DMTF1: variants seen among roughly 807,000 people sequenced by gnomAD.
DMTF1 encodes the protein cyclin-D-binding Myb-like transcription factor 1.
In DMTF1, 39 loss-of-function variants were observed where a neutral mutation model predicts 91.1. The observed-to-expected ratio is 0.43, with a 90% CI of 0.33 to 0.56. The LOEUF is 0.56. DMTF1 is among the 20% of genes least tolerant of loss of function. The pLI is 0.05. For synonymous variants in DMTF1, 338 were observed against 309.5 expected (o/e 1.09, Z -0.97); for missense variants, 750 against 914.5 (o/e 0.82, Z 2.32).
intron 6 of DMTF1, among the ~76,000 whole-genome samples, chr7:87,174,335 G>A (rs116254193): frequency 0.044 from 4,865 of 111,746 alleles, 275 homozygotes; most frequent in African/African-American, 0.14. Context: ...TTGTTGAAAG[G>A]CTAAGAGAGG....
intron 6 of DMTF1, among the ~76,000 whole-genome samples, chr7:87,174,219 A>G (rs541775547): frequency 1.1e-3 from 174 of 152,284 alleles, no homozygotes; most frequent in Non-Finnish European, 2.2e-3. Context: ...AGTTTTTTGT[A>G]TGTGTTCTTT....
At chr7:87,181,604 C>A (rs1051225641) in intron 9 of DMTF1, among the ~76,000 whole-genome samples, 1 of 152,100 alleles carries the variant, frequency 6.6e-6, no homozygotes, top group Non-Finnish European at 1.5e-5. Flanking sequence ...GATTAAGGGG[C>A]CATTTTTGGT....
chr7:87,174,665 T>A lies in DMTF1; in HGVS notation c.515T>A (p.Leu172His). Reference sequence around the variant, plus strand: ...TTGATGAACAATATTGAACGCTATCTTAAGGTATCTTATGGCATATTTTTA... The same window carrying A: ...TTGATGAACAATATTGAACGCTATCATAAGGTATCTTATGGCATATTTTTA... The part of the protein sequence containing the change: ...DILMNNIERY[L>H]KARGIKDATE... Residue 172 changes from leucine to histidine, a missense_variant, in exon 7 of 18, where the codon CTT (leucine) becomes CAT (histidine). Physicochemically the swap from Leu to His is moderately conservative, Grantham distance 99. Coordinates refer to ENST00000331242, the MANE Select transcript of DMTF1 (RefSeq NM_001142327.2). The A allele has an allele frequency of 6.3e-7, 1 of 1,599,564 alleles. No individual in the cohort carries two copies. The highest frequency in any genetic ancestry group is 8.5e-7 in the Non-Finnish European group (1 of 1,170,500).
At chr7:87,165,175 A>C (rs921099778) in intron 3 of DMTF1, 125 bp downstream of exon 3, 2 of 499,024 alleles carry the variant, frequency 4.0e-6, no homozygotes. Flanking sequence ...GTAGAAAAGG[A>C]GATTATCTCT....
chr7:87,194,519 A>G (rs889179259), intron 16 of DMTF1, 165 bp from the exon 17 acceptor site: 2 of 557,864 alleles, frequency 3.6e-6, no homozygotes, highest in Admixed American at 3.4e-5. Flanking sequence ...AAAGTATGTT[A>G]GATTGTGAGG....
chr7:87,192,760 T>C (rs2129195369), intron 14 of DMTF1: 1 of 154,172 alleles, frequency 6.5e-6, no homozygotes, highest in African/African-American at 2.4e-5. Context: ...CATTGCTAAT[T>C]ACTATTTCTG....
Position 87,193,656 on chromosome 7 carries a change from G to A in DMTF1, c.1651-69G>A, listed in dbSNP as rs1048503309. 7 of 1,363,494 alleles carry A rather than the reference G, an allele frequency of 5.1e-6. No homozygotes were observed. In the African/African-American group the frequency reaches 7.3e-5, roughly 14 times the overall value. The allele number at this position is 1,363,494 out of a possible 1,614,324, so 84.5% of individuals were successfully genotyped here. A position where few individuals can be genotyped will look rare whatever the true frequency, so the allele number is the denominator to read the frequency against. ...GTTTGAGAGGTAAGAGATGTGGGGG[G>A]AGACAGTGAGGTACCCCCATAAATG... On this transcript the variant is annotated intron_variant, in intron 15 of 17. Transcript: ENST00000331242.
At chr7:87,162,363 G>A (rs1289718435) in intron 1 of DMTF1, among the ~76,000 whole-genome samples, 1 of 152,164 alleles carries the variant, frequency 6.6e-6, no homozygotes, top group East Asian at 1.9e-4. Flanking sequence ...GCCTGGTGCA[G>A]TGTTAAGTTT....
intron 1 of DMTF1, among the ~76,000 whole-genome samples, chr7:87,159,389 T>C (rs1269436648): frequency 9.2e-6 from 1 of 108,672 alleles, no homozygotes; most frequent in East Asian, 2.7e-4. Context: ...AATTCCTTGT[T>C]CATAAAGCTG....
chr7:87,196,043 TAACAA>T lies in DMTF1; in HGVS notation c.*906_*910del. 6.6e-6 allele frequency: 1 copy of T among 152,474 alleles called. No homozygotes were observed. The highest frequency in any genetic ancestry group is 6.6e-5 in the Admixed American group (1 of 15,256). The allele number at this position is 152,474 out of a possible 1,614,324, so 9.4% of individuals were successfully genotyped here. On this transcript the variant is annotated 3_prime_UTR_variant, in exon 18 of 18. Coordinates refer to ENST00000331242, the MANE Select transcript of DMTF1 (RefSeq NM_001142327.2). ...TTTAAAAAAACAATATTTGCTTCTATAACAAAAGGAAACAAATCTAAGAATCATTC... is the reference window on the plus strand; with the variant it reads ...TTTAAAAAAACAATATTTGCTTCTATAAGGAAACAAATCTAAGAATCATTC...
intron 13 of DMTF1, among the ~76,000 whole-genome samples, chr7:87,190,446 A>G (rs1160545316): frequency 2.6e-5 from 4 of 152,068 alleles, no homozygotes; most frequent in African/African-American, 7.2e-5. Context: ...CAAGAAAACT[A>G]GTTTTTACCA....
At chr7:87,191,100 A>T (rs1187223662) in intron 14 of DMTF1, 73 bp downstream of exon 14, 1 of 982,842 alleles carries the variant, frequency 1.0e-6, no homozygotes. Context: ...TTTGTGTTTC[A>T]TTTGCTTATG....
intron 14 of DMTF1, 162 bp from the exon 15 acceptor site, chr7:87,193,036 A>AG (rs1800240122): frequency 3.0e-6 from 2 of 656,492 alleles, no homozygotes; most frequent in African/African-American, 1.8e-5. Flanking sequence ...TTAAACCTTC[A>AG]GGCTAGGTAA....
chr7:87,181,567 C>G (rs1173278748), intron 9 of DMTF1, among the ~76,000 whole-genome samples: 1 of 152,140 alleles, frequency 6.6e-6, no homozygotes, highest in East Asian at 1.9e-4. Context: ...GATGCTTCCT[C>G]AGACCACTAA....
chr7:87,187,768 C>A, intron 12 of DMTF1: 1 of 300,080 alleles, frequency 3.3e-6, no homozygotes, highest in Non-Finnish European at 6.2e-6. Flanking sequence ...TGCCAGTATT[C>A]TTCCTAAATA....
At chr7:87,182,616 C>T (rs905060135) in intron 10 of DMTF1, among the ~76,000 whole-genome samples, 1 of 152,176 alleles carries the variant, frequency 6.6e-6, no homozygotes, top group African/African-American at 2.4e-5. Context: ...AATTTCAATA[C>T]TTCCCCAGTT....
Position 87,193,984 on chromosome 7 carries a change from A to C in DMTF1, c.1910A>C (p.Asp637Ala), listed in dbSNP as rs1161467602. 1 of 1,613,398 alleles carries C rather than the reference A, an allele frequency of 6.2e-7. No individual in the cohort carries two copies. Among genetic ancestry groups the C allele is most frequent in the Non-Finnish European group, 8.5e-7 (1 of 1,179,618 alleles). The change falls in exon 16 of 18, where the codon GAC becomes GCC. Residue 637 changes from aspartate to alanine, a missense_variant. Coordinates refer to ENST00000331242, the MANE Select transcript of DMTF1 (RefSeq NM_001142327.2). ...GATGCTCATGTATCCAAATTCAGTG[A>C]CCAAAATAGCACAGAACTGATGAAT... ...FNDAHVSKFS[D>A]QNSTELMNSV...
At chr7:87,182,492 A>G (rs979745663) in intron 10 of DMTF1, among the ~76,000 whole-genome samples, 155 bp downstream of exon 10, 4 of 152,114 alleles carry the variant, frequency 2.6e-5, no homozygotes, top group Non-Finnish European at 5.9e-5. Flanking sequence ...AGCTTATTAG[A>G]TATATCAAAC....
At chr7:87,158,361 C>T (rs185914811) in intron 1 of DMTF1, among the ~76,000 whole-genome samples, 1 of 152,166 alleles carries the variant, frequency 6.6e-6, no homozygotes, top group East Asian at 1.9e-4. Flanking sequence ...AAAAATGCTT[C>T]TAAGGAGTGA....
Sources: allele counts gnomAD v4.1 joint callset (sites outside exome capture counted in the v4.1 genomes callset), GRCh38; gene constraint gnomAD v4.1.1; transcripts MANE v1.5; gene names NCBI Gene and HGNC (gene_info 2026-07-23, HGNC 2026-07-21).